MYRFL: variants seen among roughly 807,000 people sequenced by gnomAD.
The protein encoded by MYRFL is myelin regulatory factor-like protein.
Under a neutral mutation model 109.4 loss-of-function variants are expected in MYRFL, and 88 were observed. The ratio of observed to expected loss-of-function variants is 0.80; its 90% confidence interval spans 0.68 to 0.96. The LOEUF is 0.96. MYRFL is among the 40% of genes least tolerant of loss of function. MYRFL has a pLI of 0.00. For synonymous variants in MYRFL, 324 were observed against 320.9 expected, an observed-to-expected ratio of 1.01 and a Z score of -0.10; for missense variants, 957 against 954.9, an observed-to-expected ratio of 1.00 and a Z score of -0.03.
At chr12:69,877,023 C>CTTTCTTTCTTTCT (rs779815894) in intron 2 of MYRFL, among the ~76,000 whole-genome samples, 2 of 128,890 alleles carry the variant, frequency 1.6e-5, no homozygotes, top group Non-Finnish European at 3.2e-5. Context: ...TTCTTTCTTT[C>CTTTCTTTCTTTCT]TTTTTTTTTT....
At chr12:69,855,730 C>T (rs1884236045) in intron 2 of MYRFL, among the ~76,000 whole-genome samples, 1 of 151,334 alleles carries the variant, frequency 6.6e-6, no homozygotes. Context: ...CTTTTAATGT[C>T]TGTAGGATCT....
At chr12:69,881,634 C>A (rs1457718708) in intron 5 of MYRFL, among the ~76,000 whole-genome samples, 2 of 152,336 alleles carry the variant, frequency 1.3e-5, no homozygotes, top group Admixed American at 6.5e-5. Flanking sequence ...CAAGTCCCAC[C>A]CATCTCCTGG....
At chr12:69,955,308 T>C in intron 21 of MYRFL, 55 bp from the exon 22 acceptor site, 1 of 582,630 alleles carries the variant, frequency 1.7e-6, no homozygotes, top group Non-Finnish European at 3.0e-6. Context: ...AAAAAGGCCT[T>C]CGAAGACTTT....
chr12:69,942,110 G>T (rs1392296339), intron 19 of MYRFL, among the ~76,000 whole-genome samples: 13 of 122,524 alleles, frequency 1.1e-4, no homozygotes, highest in Admixed American at 3.3e-4. Context: ...AGAGGTACAA[G>T]GAGGAACTGG....
intron 2 of MYRFL, among the ~76,000 whole-genome samples, chr12:69,862,786 G>A (rs1224299058): frequency 6.6e-5 from 10 of 152,162 alleles, no homozygotes; most frequent in Admixed American, 3.3e-4. Context: ...CCAACACTAC[G>A]TTGAATAGGA....
At chr12:69,954,297 A>G (rs914182977) in intron 21 of MYRFL, among the ~76,000 whole-genome samples, 2 of 152,238 alleles carry the variant, frequency 1.3e-5, no homozygotes, top group Admixed American at 1.3e-4. Context: ...AAGCATGCAG[A>G]TAATGGGAGA....
intron 5 of MYRFL, among the ~76,000 whole-genome samples, chr12:69,886,419 G>A (rs904632794): frequency 3.3e-5 from 5 of 152,126 alleles, no homozygotes; most frequent in African/African-American, 1.2e-4. Context: ...ATTGGGATAG[G>A]CCACATGTCC....
chr12:69,856,703 G>A (rs1884309018), intron 2 of MYRFL, among the ~76,000 whole-genome samples: 1 of 151,854 alleles, frequency 6.6e-6, no homozygotes, highest in African/African-American at 2.4e-5. Flanking sequence ...ATTTTCTTTG[G>A]TGAAGTGTTA....
intron 11 of MYRFL, among the ~76,000 whole-genome samples, chr12:69,907,677 CT>C (rs1954410937): frequency 6.6e-6 from 1 of 152,164 alleles, no homozygotes. Context: ...TTTATTCCTT[CT>C]TTTTTCCATC....
chr12:69,898,492 A>G (rs994974225), intron 10 of MYRFL, among the ~76,000 whole-genome samples: 6 of 152,200 alleles, frequency 3.9e-5, no homozygotes, highest in African/African-American at 1.2e-4. Context: ...TCATAAGCCA[A>G]TACAGAGGTG....
chr12:69,885,032 G>GA (rs1886357892), intron 5 of MYRFL, among the ~76,000 whole-genome samples: 1 of 151,426 alleles, frequency 6.6e-6, no homozygotes, highest in Non-Finnish European at 1.5e-5. Context: ...GAGAGAGGAA[G>GA]AAAAAAAAGG....
At position 69,878,319 on chromosome 12, in the gene MYRFL, G is replaced by A. The variant is rs563477174; in HGVS notation, c.138-709G>A. On this transcript the variant is annotated intron_variant, in intron 2 of 24. Transcript: ENST00000552032. ...GTTATTTTCTCCTCAGCAATTTAAA[G>A]TGTTCTTGTTATACAACCCCTGAAC... 2.3e-4 allele frequency among the ~76,000 whole-genome samples: 35 copies of A among 151,020 alleles called. No homozygotes were observed. The East Asian group carries it at 6.5e-3, about 28-fold the overall frequency.
intron 11 of MYRFL, 43 bp from the exon 12 acceptor site, chr12:69,909,926 A>C (rs1210475387): frequency 7.4e-7 from 1 of 1,355,526 alleles, no homozygotes; most frequent in Non-Finnish European, 1.0e-6. Context: ...TTGAATAGCA[A>C]ATATCTATGC....
intron 1 of MYRFL, among the ~76,000 whole-genome samples, chr12:69,843,021 C>CT (rs1204000930): frequency 1.3e-5 from 2 of 152,206 alleles, no homozygotes; most frequent in African/African-American, 4.8e-5. Context: ...GGTAATATCT[C>CT]TAAGAAAATG....
At chr12:69,891,568 T>C (rs1886809750) in intron 7 of MYRFL, among the ~76,000 whole-genome samples, 1 of 101,572 alleles carries the variant, frequency 9.8e-6, no homozygotes, top group African/African-American at 3.5e-5. Flanking sequence ...TCAATTTCTT[T>C]CTTTCTTTCT....
chr12:69,936,556 G>T lies in MYRFL; in HGVS notation c.2148G>T (p.Arg716=), dbSNP rs568619506. Reference sequence around the variant, plus strand: ...AGGAGACTTATTGCTGCCCCATCCGGGGAATGAAAGAAGTCTCTTCAAGTC... The same window carrying T: ...AGGAGACTTATTGCTGCCCCATCCGTGGAATGAAAGAAGTCTCTTCAAGTC... The part of the protein sequence containing the change: ...PCQETYCCPI[R]GMKEVSSSPV... The change falls in exon 19 of 25, where the codon CGG becomes CGT. Residue 716 remains arginine (R), a synonymous_variant. Transcript: ENST00000552032. The T allele has an allele frequency of 2.6e-4, 396 of 1,536,138 alleles. 1 individual carries two copies. The East Asian group carries it at 6.2e-3, about 24-fold the overall frequency.
chr12:69,916,337 G>A (rs1338067224), intron 13 of MYRFL, among the ~76,000 whole-genome samples: 1 of 152,080 alleles, frequency 6.6e-6, no homozygotes, highest in Admixed American at 6.6e-5. Context: ...GTTCACGGGT[G>A]GAAAAGAAGG....
At chr12:69,874,470 G>A (rs972714025) in intron 2 of MYRFL, among the ~76,000 whole-genome samples, 2 of 152,118 alleles carry the variant, frequency 1.3e-5, no homozygotes, top group East Asian at 1.9e-4. Context: ...GAGCCACTGT[G>A]CCCACCTTCA....
chr12:69,936,744 A>G lies in MYRFL; in HGVS notation c.2224+112A>G, dbSNP rs1013094408. The G allele has an allele frequency of 9.3e-5, 93 of 997,878 alleles. No homozygotes were observed. The South Asian group carries it at 1.1e-3, about 12-fold the overall frequency. 61.8% of individuals were successfully genotyped at this position (997,878 alleles called of 1,614,324 possible). A position where few individuals can be genotyped will look rare whatever the true frequency, so the allele number is the denominator to read the frequency against. On this transcript the variant is annotated intron_variant, in intron 19 of 24. Transcript: ENST00000552032. ...TTCCAGATAATGGTTCCATGCTTCT[A>G]TTTGGGGTGGCAAAATCTTTAAAAC... is the stretch of plus-strand genomic sequence containing the variant.
Sources: gnomAD v4.1 joint callset for allele counts (sites outside exome capture counted in the v4.1 genomes callset) on GRCh38, gnomAD v4.1.1 for gene constraint, MANE v1.5 for transcripts, NCBI Gene and HGNC (gene_info 2026-07-23, HGNC 2026-07-21) for gene names.